KCNJ6: variants seen among roughly 807,000 people sequenced by gnomAD.
KCNJ6 encodes the protein potassium inwardly rectifying channel subfamily J member 6, also known as G protein-activated inward rectifier potassium channel 2.
A neutral mutation model predicts 34.2 loss-of-function variants in KCNJ6; 9 were observed. The ratio of observed to expected loss-of-function variants is 0.26; its 90% confidence interval spans 0.16 to 0.46. KCNJ6 has a LOEUF of 0.46. Among genes scored for constraint, KCNJ6 ranks in the 20% least tolerant of loss-of-function variants. KCNJ6 has a pLI of 1.00. For synonymous variants in KCNJ6, 196 were observed against 207.1 expected (o/e 0.95, Z 0.46); for missense variants, 236 against 531.3 (o/e 0.44, Z 5.46).
At chr21:37,818,063 C>G (rs2055354973) in intron 2 of KCNJ6, among the ~76,000 whole-genome samples, 1 of 152,216 alleles carries the variant, frequency 6.6e-6, no homozygotes, top group South Asian at 2.1e-4. Flanking sequence ...AATTCAAACA[C>G]TACAGATGCT....
intron 1 of KCNJ6, among the ~76,000 whole-genome samples, chr21:37,853,725 A>G (rs1337393456): frequency 6.6e-6 from 1 of 151,604 alleles, no homozygotes; most frequent in Non-Finnish European, 1.5e-5. Context: ...TAGAGGAAAT[A>G]TTTAAGACAA....
chr21:37,873,043 T>C (rs1023611059), intron 1 of KCNJ6, among the ~76,000 whole-genome samples: 1 of 152,214 alleles, frequency 6.6e-6, no homozygotes, highest in African/African-American at 2.4e-5. Flanking sequence ...GTCTCAGGTA[T>C]TTCTTCATAG....
intron 1 of KCNJ6, among the ~76,000 whole-genome samples, chr21:37,858,977 A>G (rs981881261): frequency 6.6e-6 from 1 of 152,226 alleles, no homozygotes; most frequent in Admixed American, 6.5e-5. Flanking sequence ...GTTTCTGTCT[A>G]AAGAACAAAG....
At chr21:37,835,097 A>G (rs34738821) in intron 2 of KCNJ6, among the ~76,000 whole-genome samples, 28,571 of 152,102 alleles carry the variant, frequency 0.19, 2,762 homozygotes, top group South Asian at 0.29. Flanking sequence ...TGCCTGAGAG[A>G]GACTGGCAGG....
At chr21:37,828,940 G>A (rs1038690446) in intron 2 of KCNJ6, among the ~76,000 whole-genome samples, 18 of 152,206 alleles carry the variant, frequency 1.2e-4, no homozygotes, top group Admixed American at 5.2e-4. Context: ...TTGTTTGCAG[G>A]TCCCATTTGT....
intron 3 of KCNJ6, among the ~76,000 whole-genome samples, chr21:37,665,484 A>G (rs537335515): frequency 1.3e-5 from 2 of 152,366 alleles, no homozygotes; most frequent in East Asian, 3.9e-4. Context: ...AATTGTAAAG[A>G]GAAACAGCCA....
intron 2 of KCNJ6, chr21:37,717,205 C>T (rs2054796623): frequency 6.5e-6 from 1 of 154,238 alleles, no homozygotes. Context: ...CTCAGTAGTC[C>T]TTCATTGAAA....
intron 3 of KCNJ6, among the ~76,000 whole-genome samples, chr21:37,642,926 G>A (rs896963498): frequency 2.6e-5 from 4 of 152,122 alleles, no homozygotes; most frequent in Non-Finnish European, 4.4e-5. Context: ...GACAAGTCTT[G>A]GGAAAGCTTA....
chr21:37,832,784 TC>T (rs2055432698), intron 2 of KCNJ6, among the ~76,000 whole-genome samples: 1 of 151,940 alleles, frequency 6.6e-6, no homozygotes, highest in South Asian at 2.1e-4. Flanking sequence ...AGCCTGGAGG[TC>T]GGTGGGAAGA....
intron 2 of KCNJ6, among the ~76,000 whole-genome samples, chr21:37,833,773 A>G (rs2055438475): frequency 6.6e-6 from 1 of 152,170 alleles, no homozygotes; most frequent in South Asian, 2.1e-4. Flanking sequence ...TTTGTATCCT[A>G]GAGAGTAGGG....
intron 3 of KCNJ6, among the ~76,000 whole-genome samples, chr21:37,713,046 A>C (rs1382030466): frequency 6.6e-6 from 1 of 151,988 alleles, no homozygotes; most frequent in Non-Finnish European, 1.5e-5. Context: ...GCATTTAAAA[A>C]CCCTATAGCA....
intron 2 of KCNJ6, among the ~76,000 whole-genome samples, chr21:37,827,068 C>T (rs2055402539): frequency 6.6e-6 from 1 of 152,166 alleles, no homozygotes; most frequent in Non-Finnish European, 1.5e-5. Context: ...TAATTGGACA[C>T]TTCTGAGTAT....
At chr21:37,780,183 T>A (rs992691114) in intron 2 of KCNJ6, among the ~76,000 whole-genome samples, 1 of 152,200 alleles carries the variant, frequency 6.6e-6, no homozygotes, top group African/African-American at 2.4e-5. Context: ...TAAATGCACA[T>A]TGCTAAGTGA....
chr21:37,697,567 G>GATT (rs2054669255), intron 3 of KCNJ6, among the ~76,000 whole-genome samples: 1 of 152,172 alleles, frequency 6.6e-6, no homozygotes, highest in African/African-American at 2.4e-5. Context: ...CTATCAGCTG[G>GATT]ATAGGAATTA....
At chr21:37,807,825 G>A (rs972826910) in intron 2 of KCNJ6, among the ~76,000 whole-genome samples, 8 of 152,168 alleles carry the variant, frequency 5.3e-5, no homozygotes, top group African/African-American at 1.9e-4. Context: ...AGCTCTGTTG[G>A]GAGACATGGT....
chr21:37,643,206 A>G (rs897058339), intron 3 of KCNJ6, among the ~76,000 whole-genome samples: 3 of 152,174 alleles, frequency 2.0e-5, no homozygotes, highest in Non-Finnish European at 4.4e-5. Flanking sequence ...TTTTGAGAAG[A>G]CAAAAGCTCC....
intron 2 of KCNJ6, among the ~76,000 whole-genome samples, chr21:37,782,518 C>T (rs2055174368): frequency 6.6e-6 from 1 of 152,188 alleles, no homozygotes; most frequent in Admixed American, 6.5e-5. Flanking sequence ...GGTCCTTTGT[C>T]CTTTCTCCTG....
rs857948 is a variant in KCNJ6 at position 37,709,871 on chromosome 21, G to A, written c.946+4340C>T. ...TTTCTGTGGTGAAGGATGGGTGATG[G>A]GTTGCCTTCACCTATTTCCAGTGAA... On this transcript the variant is annotated intron_variant, in intron 3 of 3. Coordinates refer to ENST00000609713, the MANE Select transcript of KCNJ6 (RefSeq NM_002240.5). 9.4e-3 allele frequency among the ~76,000 whole-genome samples: 1,424 copies of A among 152,248 alleles called. 13 individuals carry two copies. The highest frequency in any genetic ancestry group is 0.016 in the Non-Finnish European group (1,099 of 68,008).
intron 1 of KCNJ6, among the ~76,000 whole-genome samples, chr21:37,905,860 A>G (rs1470715008): frequency 6.6e-6 from 1 of 152,252 alleles, no homozygotes; most frequent in East Asian, 1.9e-4. Flanking sequence ...AATTCTGGAC[A>G]TAGCTATGAA....
Sources: gnomAD v4.1 joint callset for allele counts (sites outside exome capture counted in the v4.1 genomes callset) on GRCh38, gnomAD v4.1.1 for gene constraint, MANE v1.5 for transcripts, NCBI Gene and HGNC (gene_info 2026-07-23, HGNC 2026-07-21) for gene names.